Variants in PTPRD observed in about 807,000 individuals in gnomAD.
PTPRD encodes protein tyrosine phosphatase receptor type D, also known as receptor-type tyrosine-protein phosphatase delta.
A neutral mutation model predicts 214.5 loss-of-function variants in PTPRD; 34 were observed. The observed-to-expected ratio is 0.16, with a 90% CI of 0.12 to 0.21. The LOEUF is 0.21. Ranked by LOEUF, PTPRD falls within the 10% of genes least tolerant of loss-of-function variation. The pLI, the probability that PTPRD is intolerant of heterozygous loss-of-function variation, is 1.00. For missense variants in PTPRD, 2,545 were observed against 2,398.7 expected (o/e 1.06, Z -1.27); for synonymous variants, 1,128 against 845.7 (o/e 1.33, Z -5.79).
chr9:10,075,794 A>G (rs1351232047), intron 3 of PTPRD, among the ~76,000 whole-genome samples: 1 of 152,104 alleles, frequency 6.6e-6, no homozygotes, highest in Non-Finnish European at 1.5e-5. Flanking sequence ...AATTTTAAAC[A>G]CACTAATTTT....
At chr9:9,757,719 T>A (rs538675708) in intron 6 of PTPRD, among the ~76,000 whole-genome samples, 2 of 152,218 alleles carry the variant, frequency 1.3e-5, no homozygotes, top group East Asian at 1.9e-4. Flanking sequence ...ATTATTCAGT[T>A]TCTCATATAA....
intron 2 of PTPRD, among the ~76,000 whole-genome samples, chr9:10,343,382 G>A (rs1476234637): frequency 6.6e-6 from 1 of 152,120 alleles, no homozygotes; most frequent in Admixed American, 6.6e-5. Context: ...TGTCATTGAT[G>A]GACATTCTGG....
intron 9 of PTPRD, among the ~76,000 whole-genome samples, chr9:9,347,348 A>G (rs1444550173): frequency 6.6e-6 from 1 of 150,520 alleles, no homozygotes; most frequent in Non-Finnish European, 1.5e-5. Flanking sequence ...ATATATCTAT[A>G]TGCATGCATA....
rs547720160 is a variant in PTPRD at position 9,339,350 on chromosome 9, G to A, written c.-203+58099C>T. The stretch of plus-strand genomic sequence containing the variant: ...AAAAAAAAAAAATTAGCCAGGCATG[G>A]TGGTGGGTGCCTGTAGTCCCAGCTA... On this transcript the variant is annotated intron_variant, in intron 9 of 45. Coordinates refer to ENST00000381196, the MANE Select transcript of PTPRD (RefSeq NM_002839.4). Among the ~76,000 whole-genome samples the A allele has an allele frequency of 9.2e-4, 140 of 152,028 alleles. 1 individual carries two copies. The highest frequency in any genetic ancestry group is 3.4e-3 in the Middle Eastern group (1 of 294).
At chr9:8,905,165 A>G (rs2098698953) in intron 11 of PTPRD, among the ~76,000 whole-genome samples, 1 of 152,220 alleles carries the variant, frequency 6.6e-6, no homozygotes, top group Non-Finnish European at 1.5e-5. Flanking sequence ...GGATTTATGT[A>G]ACATGCAAAT....
intron 2 of PTPRD, among the ~76,000 whole-genome samples, chr9:10,448,081 C>A (rs1487548387): frequency 6.6e-6 from 1 of 151,880 alleles, no homozygotes; most frequent in Non-Finnish European, 1.5e-5. Context: ...AACTGAGCCC[C>A]AAATATAATT....
chr9:9,155,106 T>G (rs964877825), intron 10 of PTPRD, among the ~76,000 whole-genome samples: 1 of 152,298 alleles, frequency 6.6e-6, no homozygotes, highest in African/African-American at 2.4e-5. Context: ...CAGTTTCTTA[T>G]GTAGTACGAA....
intron 2 of PTPRD, among the ~76,000 whole-genome samples, chr9:10,399,838 G>A (rs1010269524): frequency 1.3e-5 from 2 of 151,790 alleles, no homozygotes; most frequent in South Asian, 2.1e-4. Context: ...TACAAGTGGT[G>A]GGAAGAAAAG....
intron 12 of PTPRD, among the ~76,000 whole-genome samples, chr9:8,705,113 A>T (rs1320025554): frequency 6.6e-6 from 1 of 152,206 alleles, no homozygotes; most frequent in Non-Finnish European, 1.5e-5. Flanking sequence ...AAAAGGGCTC[A>T]GTGTTGACCA....
rs571593657 is a variant in PTPRD, at chr9:10,273,259, A to C, written c.-545+67704T>G. ...CATCTGTGTCCCTCTTTGGCTCCTC[A>C]GTTTATAGATCTCTGATTTCATATT... On this transcript the variant is annotated intron_variant, in intron 3 of 45. Coordinates refer to ENST00000381196, the MANE Select transcript of PTPRD (RefSeq NM_002839.4). Among the ~76,000 whole-genome samples the C allele has an allele frequency of 2.0e-5, 3 of 152,246 alleles. No individual in the cohort carries two copies. The South Asian group carries it at 6.2e-4, about 32-fold the overall frequency.
In PTPRD at chr9:10,449,876, C is replaced by T. The variant is rs2098828514; in HGVS notation, c.-599-108859G>A. Among the ~76,000 whole-genome samples the T allele has an allele frequency of 2.0e-5, 3 of 151,742 alleles. No homozygotes were observed. In the South Asian group the frequency reaches 6.2e-4, roughly 31 times the overall value. The stretch of plus-strand genomic sequence containing the variant: ...TATAGAAAGAAGTAGACATAGGAGA[C>T]TCCATTTTGTTCTGTACTAAGAAAA... On this transcript the variant is annotated intron_variant, in intron 2 of 45. Transcript: ENST00000381196.
intron 12 of PTPRD, among the ~76,000 whole-genome samples, chr9:8,648,686 C>T (rs1269755226): frequency 1.3e-5 from 2 of 152,176 alleles, no homozygotes; most frequent in African/African-American, 4.8e-5. Flanking sequence ...TTATGCATTA[C>T]ATACAATCTC....
At chr9:10,274,390 T>C (rs957052330) in intron 3 of PTPRD, among the ~76,000 whole-genome samples, 1 of 152,142 alleles carries the variant, frequency 6.6e-6, no homozygotes, top group Non-Finnish European at 1.5e-5. Flanking sequence ...CAGGAGGCTG[T>C]CTCTAAATAT....
At chr9:9,411,043 G>C (rs183514392) in intron 8 of PTPRD, among the ~76,000 whole-genome samples, 2 of 132,180 alleles carry the variant, frequency 1.5e-5, no homozygotes, top group African/African-American at 3.0e-5. Context: ...AAACCTCTTT[G>C]TGTGTGTGTA....
At chr9:9,827,492 A>G (rs1027895354) in intron 5 of PTPRD, among the ~76,000 whole-genome samples, 60 of 152,200 alleles carry the variant, frequency 3.9e-4, no homozygotes, top group African/African-American at 1.4e-3. Context: ...CTTACACTTT[A>G]TACAAAAATT....
intron 2 of PTPRD, among the ~76,000 whole-genome samples, chr9:10,381,833 G>A (rs1398573747): frequency 1.3e-5 from 2 of 151,922 alleles, no homozygotes; most frequent in African/African-American, 4.8e-5. Flanking sequence ...TATTTCACCA[G>A]TGGCATTATT....
intron 11 of PTPRD, among the ~76,000 whole-genome samples, chr9:8,853,443 C>A (rs1050725699): frequency 6.6e-6 from 1 of 152,078 alleles, no homozygotes; most frequent in Non-Finnish European, 1.5e-5. Context: ...AATTTGGACA[C>A]TTTGTGGAAA....
chr9:9,320,995 C>T (rs537846811), intron 9 of PTPRD, among the ~76,000 whole-genome samples: 1 of 152,144 alleles, frequency 6.6e-6, no homozygotes, highest in African/African-American at 2.4e-5. Flanking sequence ...TGTTAATAAA[C>T]AATATGGGTC....
intron 21 of PTPRD, among the ~76,000 whole-genome samples, chr9:8,508,249 G>C (rs141106670): frequency 6.6e-6 from 1 of 152,290 alleles, no homozygotes; most frequent in Non-Finnish European, 1.5e-5. Flanking sequence ...CTGTTTATCA[G>C]CTGTAACAAA....
Sources: allele counts gnomAD v4.1 joint callset (sites outside exome capture counted in the v4.1 genomes callset), GRCh38; gene constraint gnomAD v4.1.1; transcripts MANE v1.5; gene names NCBI Gene and HGNC (gene_info 2026-07-23, HGNC 2026-07-21).